RPAP2: variants seen among roughly 807,000 people sequenced by gnomAD.
The protein encoded by RPAP2 is putative RNA polymerase II subunit B1 CTD phosphatase RPAP2.
A neutral mutation model predicts 73.1 loss-of-function variants in RPAP2; 52 were observed. That is an observed-to-expected ratio of 0.71 (90% confidence interval 0.57 to 0.90). The LOEUF is 0.90. RPAP2 is among the 40% of genes least tolerant of loss of function. The probability of loss-of-function intolerance (pLI) is 0.00; values close to 1 mark genes in which losing one functional copy is unlikely to be tolerated. For synonymous variants in RPAP2, 225 were observed against 242.1 expected (o/e 0.93, Z 0.65); for missense variants, 598 against 701.8 (o/e 0.85, Z 1.67).
intron 8 of RPAP2, among the ~76,000 whole-genome samples, chr1:92,332,548 C>A (rs1013814780): frequency 1.2e-4 from 19 of 152,116 alleles, no homozygotes; most frequent in Admixed American, 1.0e-3. Context: ...ATGTTATCTT[C>A]CTCTAGAATA....
intron 11 of RPAP2, among the ~76,000 whole-genome samples, chr1:92,348,970 TATAAAG>T (rs67169831): frequency 0.26 from 38,939 of 151,814 alleles, 6,354 homozygotes; most frequent in Non-Finnish European, 0.35. Context: ...GACATGCACA[TATAAAG>T]AGAAAGGACG....
Position 92,398,925 on chromosome 1 carries a change from T to C in RPAP2, c.*11914T>C, listed in dbSNP as rs1487692293. On this transcript the variant is annotated 3_prime_UTR_variant, in exon 13 of 13. Coordinates refer to ENST00000610020, the MANE Select transcript of RPAP2 (RefSeq NM_024813.3). ...TTTTCCAAATTAAACTAGCAAAATA[T>C]GAACTTTTGTAAAAGGTCCACACCC... is the stretch of plus-strand genomic sequence containing the variant. 5.3e-5 allele frequency: 8 copies of C among 152,240 alleles called. No homozygotes were observed. The highest frequency in any genetic ancestry group is 1.0e-4 in the Non-Finnish European group (7 of 68,042). The allele number at this position is 152,240 out of a possible 1,614,324, so 9.4% of individuals were successfully genotyped here.
intron 8 of RPAP2, among the ~76,000 whole-genome samples, chr1:92,327,100 T>C (rs1055772462): frequency 3.3e-5 from 5 of 152,248 alleles, no homozygotes; most frequent in Non-Finnish European, 7.3e-5. Flanking sequence ...TCTGTAAATA[T>C]CTGTTAAATC....
chr1:92,341,347 A>T (rs1019488387), intron 10 of RPAP2, among the ~76,000 whole-genome samples: 9 of 152,144 alleles, frequency 5.9e-5, no homozygotes, highest in African/African-American at 2.2e-4. Flanking sequence ...ATCAAATATT[A>T]CTGTTTCCCT....
intron 6 of RPAP2, among the ~76,000 whole-genome samples, chr1:92,317,402 G>A (rs1272041579): frequency 6.6e-6 from 1 of 151,930 alleles, no homozygotes; most frequent in East Asian, 1.9e-4. Context: ...CAGCTACTCA[G>A]GAGGCTGAGG....
In RPAP2 at chr1:92,397,984, C is replaced by G. The variant is rs1422698267; in HGVS notation, c.*10973C>G. On this transcript the variant is annotated 3_prime_UTR_variant, in exon 13 of 13. Coordinates refer to ENST00000610020, the MANE Select transcript of RPAP2 (RefSeq NM_024813.3). ...CCAGCCTGGGCAACATAGGGAGACC[C>G]CATCTCTACAAAAAAGTAAACAATT... 2 of 153,370 alleles carry G rather than the reference C, an allele frequency of 1.3e-5. No homozygotes were observed. Among genetic ancestry groups the G allele is most frequent in the Non-Finnish European group, 2.9e-5 (2 of 69,100 alleles). 9.5% of individuals were successfully genotyped at this position (153,370 alleles called of 1,614,324 possible).
chr1:92,307,360 C>G, intron 6 of RPAP2, 84 bp downstream of exon 6: 2 of 886,834 alleles, frequency 2.3e-6, no homozygotes, highest in Admixed American at 3.0e-5. Context: ...GAGAGTAAGT[C>G]TAGTTTTCTG....
chr1:92,365,898 TACATGACCTTAAGA>T (rs566220420), intron 11 of RPAP2, among the ~76,000 whole-genome samples: 6 of 152,178 alleles, frequency 3.9e-5, no homozygotes, highest in Non-Finnish European at 8.8e-5. Context: ...TTTACTGACT[TACATGACCTTAAGA>T]AAGTCACTTG....
At chr1:92,324,612 G>A (rs1333146459) in intron 8 of RPAP2, among the ~76,000 whole-genome samples, 12 of 152,100 alleles carry the variant, frequency 7.9e-5, no homozygotes, top group Non-Finnish European at 1.3e-4. Context: ...TTTTTCTAAT[G>A]TAAAAATAGC....
At chr1:92,371,319 A>AAAAATAT (rs1199565882) in intron 11 of RPAP2, among the ~76,000 whole-genome samples, 146 of 61,700 alleles carry the variant, frequency 2.4e-3, no homozygotes, top group African/African-American at 0.01. Context: ...AAAAAAAAAA[A>AAAAATAT]ATATATATAT....
At chr1:92,339,001 G>A (rs1653446364) in intron 10 of RPAP2, among the ~76,000 whole-genome samples, 1 of 152,114 alleles carries the variant, frequency 6.6e-6, no homozygotes, top group African/African-American at 2.4e-5. Context: ...AAGTTATGCT[G>A]TACATATCAG....
chr1:92,374,316 T>C (rs535642005), intron 11 of RPAP2, among the ~76,000 whole-genome samples: 282 of 152,250 alleles, frequency 1.9e-3, no homozygotes, highest in African/African-American at 6.4e-3. Context: ...AAGTGGAAGT[T>C]AGGAGGCCAT....
At chr1:92,323,075 T>TTA (rs374769115) in intron 7 of RPAP2, among the ~76,000 whole-genome samples, 339 of 144,818 alleles carry the variant, frequency 2.3e-3, no homozygotes, top group African/African-American at 7.6e-3. Flanking sequence ...ATATATATAT[T>TTA]TATATATATA....
At position 92,299,823 on chromosome 1, in the gene RPAP2, C is replaced by CT. The variant is rs1459588642; in HGVS notation, c.74-370dup. Among the ~76,000 whole-genome samples, 4 of 152,212 alleles carry CT rather than the reference C, an allele frequency of 2.6e-5. No individual in the cohort carries two copies. In the East Asian group the frequency reaches 7.7e-4, roughly 29 times the overall value. The stretch of plus-strand genomic sequence containing the variant: ...TACAGTTTGTTATTTGTGTAGGAAT[C>CT]TATCTTGTACCTAATGTGTTTGTGT... On this transcript the variant is annotated intron_variant, in intron 1 of 12. Coordinates refer to ENST00000610020, the MANE Select transcript of RPAP2 (RefSeq NM_024813.3).
rs1313154937 is a variant in RPAP2, at chr1:92,324,339, G to A, written c.1419G>A (p.Leu473=). The change falls in exon 8 of 13, where the codon TTG becomes TTA. Residue 473 remains leucine (L), a synonymous_variant. Coordinates refer to ENST00000610020, the MANE Select transcript of RPAP2 (RefSeq NM_024813.3). ...IREFYRGRYV[L]GEETTKSQDS... ...AGTTTTACAGAGGACGGTATGTTTT[G>A]GGTGAAGAAACCACCAAATCACAAG... 1 of 1,613,766 alleles carries A rather than the reference G, an allele frequency of 6.2e-7. No homozygotes were observed. Among genetic ancestry groups the A allele is most frequent in the Admixed American group, 1.7e-5 (1 of 59,978 alleles).
Position 92,372,799 on chromosome 1 carries a change from T to G in RPAP2, c.1689-7925T>G, listed in dbSNP as rs187286749. Among the ~76,000 whole-genome samples the G allele has an allele frequency of 2.5e-3, 382 of 152,070 alleles. 3 individuals are homozygous for G. Among genetic ancestry groups the G allele is most frequent in the South Asian group, 9.1e-3 (44 of 4,814 alleles). On this transcript the variant is annotated intron_variant, in intron 11 of 12. Coordinates refer to ENST00000610020, the MANE Select transcript of RPAP2 (RefSeq NM_024813.3). The stretch of plus-strand genomic sequence containing the variant: ...TGGCACATGCCTGTAGTCCCAGCTA[T>G]TAATACTTTGGAGGCTGAGGCAGGA...
chr1:92,304,380 A>T, intron 5 of RPAP2, 31 bp downstream of exon 5: 1 of 1,336,108 alleles, frequency 7.5e-7, no homozygotes, highest in Non-Finnish European at 1.0e-6. Flanking sequence ...TGTGGCAATT[A>T]ATTTTTTTTC....
intron 10 of RPAP2, among the ~76,000 whole-genome samples, chr1:92,338,479 G>C (rs1364317373): frequency 6.6e-6 from 1 of 152,114 alleles, no homozygotes; most frequent in Non-Finnish European, 1.5e-5. Flanking sequence ...GAGATAAAAA[G>C]TATTTAACAA....
intron 12 of RPAP2, among the ~76,000 whole-genome samples, chr1:92,381,588 CTT>C (rs4000737): frequency 7.2e-5 from 10 of 139,350 alleles, no homozygotes; most frequent in Admixed American, 2.9e-4. Context: ...GGGAGATTTT[CTT>C]TTTTTTTTTT....
Sources: gnomAD v4.1 joint callset for allele counts (sites outside exome capture counted in the v4.1 genomes callset) on GRCh38, gnomAD v4.1.1 for gene constraint, MANE v1.5 for transcripts, NCBI Gene and HGNC (gene_info 2026-07-23, HGNC 2026-07-21) for gene names.